The following CARD14 variants were observed in gnomAD, a reference collection of about 807,000 sequenced individuals.
CARD14 encodes caspase recruitment domain family member 14, also known as caspase recruitment domain-containing protein 14.
Under a neutral mutation model 111.5 loss-of-function variants are expected in CARD14, and 107 were observed. The ratio of observed to expected loss-of-function variants is 0.96; its 90% CI spans 0.82 to 1.13. CARD14 has a LOEUF of 1.13. CARD14 is among the 50% of genes most tolerant of loss of function. The pLI is 0.00. For missense variants in CARD14, 1,322 were observed against 1,362.3 expected, an observed-to-expected ratio of 0.97 and a Z score of 0.47; for synonymous variants, 617 against 579.6, an observed-to-expected ratio of 1.06 and a Z score of -0.93.
intron 18 of CARD14, 113 bp downstream of exon 18, chr17:80,202,533 A>T: frequency 6.7e-7 from 1 of 1,495,164 alleles, no homozygotes; most frequent in Admixed American, 2.0e-5. Flanking sequence ...GCGTGGTGAG[A>T]CCCCCCTAAG....
intron 4 of CARD14, among the ~76,000 whole-genome samples, chr17:80,181,211 C>T (rs967104417): frequency 1.4e-4 from 22 of 152,280 alleles, no homozygotes; most frequent in African/African-American, 4.8e-4. Flanking sequence ...GGCCGTGGCA[C>T]TCAACCTTAC....
chr17:80,191,392 A>C lies in CARD14; in HGVS notation c.1159A>C (p.Arg387=). The C allele has an allele frequency of 6.2e-7, 1 of 1,613,864 alleles. No individual in the cohort carries two copies. The highest frequency in any genetic ancestry group is 1.1e-5 in the South Asian group (1 of 91,078). ...QSLVEKDSLR[R]QVFELTDQVC... is the part of the protein sequence containing the mutation. ...CCTGGTGGAGAAGGACTCCCTCCGCAGGCAGGTGTTCGAGCTGACGGACCA... is the reference window on the plus strand; with the variant it reads ...CCTGGTGGAGAAGGACTCCCTCCGCCGGCAGGTGTTCGAGCTGACGGACCA... The change falls in exon 11 of 24, where the codon AGG becomes CGG. Residue 387 remains arginine, a synonymous_variant. Coordinates refer to ENST00000648509, the MANE Select transcript of CARD14 (RefSeq NM_001366385.1).
intron 5 of CARD14, 92 bp downstream of exon 5, chr17:80,181,741 GTCC>G: frequency 8.5e-7 from 1 of 1,176,292 alleles, no homozygotes. Flanking sequence ...GTCTCTTCTC[GTCC>G]TGTCTCTTAT....
At chr17:80,183,632 A>T (rs546508898) in intron 6 of CARD14, among the ~76,000 whole-genome samples, 1 of 152,260 alleles carries the variant, frequency 6.6e-6, no homozygotes, top group Non-Finnish European at 1.5e-5. Flanking sequence ...GGAGACCAGC[A>T]GGTTAAAGCT....
chr17:80,187,938 C>T, intron 7 of CARD14: 1 of 986,184 alleles, frequency 1.0e-6, no homozygotes, highest in East Asian at 1.1e-4. Flanking sequence ...GTCTACCCCT[C>T]CGACCTGACT....
At chr17:80,204,725 A>T in intron 20 of CARD14, 1 of 414,788 alleles carries the variant, frequency 2.4e-6, no homozygotes, top group Non-Finnish European at 4.3e-6. Flanking sequence ...ACTCTCCCAG[A>T]TCCTTTGGAA....
chr17:80,208,276 C>A lies in CARD14; in HGVS notation c.2946C>A (p.Leu982=), dbSNP rs1195163306. Reference sequence around the variant, plus strand: ...GCTGGAGCGACCTGGACGGCCTGCTCAGCTGTGTCCGCCAGGCCATCGCCG... The same window carrying A: ...GCTGGAGCGACCTGGACGGCCTGCTAAGCTGTGTCCGCCAGGCCATCGCCG... ...PDGWSDLDGL[L]SCVRQAIADE... Residue 982 remains leucine, a synonymous_variant, in exon 24 of 24, where the codon CTC becomes CTA. Transcript: ENST00000648509. The A allele has an allele frequency of 1.9e-6, 3 of 1,598,104 alleles. No homozygotes were observed. Among genetic ancestry groups the A allele is most frequent in the Non-Finnish European group, 2.6e-6 (3 of 1,174,126 alleles).
In CARD14 at chr17:80,206,531, C is replaced by T. The variant is rs562557924; in HGVS notation, c.2692-439C>T. Reference sequence around the variant, plus strand: ...CTCTAATCCCAGCACTTTGGGAGGCCGAGGCGGGCAGATCACCTGAGGTCA... The same window carrying T: ...CTCTAATCCCAGCACTTTGGGAGGCTGAGGCGGGCAGATCACCTGAGGTCA... On this transcript the variant is annotated intron_variant, in intron 22 of 23. Transcript: ENST00000648509. 5.3e-5 allele frequency among the ~76,000 whole-genome samples: 8 copies of T among 152,286 alleles called. No individual in the cohort carries two copies. The South Asian group carries it at 1.2e-3, about 24-fold the overall frequency.
Position 80,198,568 on chromosome 17 carries a change from C to A in CARD14, c.1828C>A (p.Arg610Ser). Residue 610 changes from arginine (R) to serine (S), a missense_variant, in exon 16 of 24, where the codon CGC becomes AGC. Arg to Ser is a moderately radical substitution (Grantham distance 110, BLOSUM62 -1). Coordinates refer to ENST00000648509, the MANE Select transcript of CARD14 (RefSeq NM_001366385.1). The surrounding 1 kb of genome is among the most constrained non-coding windows in gnomAD (Gnocchi z 7.5). ...CTCGGCGGCGGACCAGATGGCCTTG[C>A]GCCCGGGCACCCAGATTGTGATGGT... is the stretch of plus-strand genomic sequence containing the variant. Reference protein sequence around the residue: ...PGSAADQMALRPGTQIVMVDY... With the variant: ...PGSAADQMALSPGTQIVMVDY... 6.2e-7 allele frequency: 1 copy of A among 1,612,524 alleles called. No individual in the cohort carries two copies. The highest frequency in any genetic ancestry group is 8.5e-7 in the Non-Finnish European group (1 of 1,179,674).
At position 80,189,774 on chromosome 17, in the gene CARD14, C is replaced by T. The variant is rs1333798617; in HGVS notation, c.865C>T (p.Gln289Ter). The change falls in exon 9 of 24, where the codon CAG (glutamine) becomes TAG (stop). Residue 289 changes from glutamine (Q) to a stop codon, truncating the protein, a stop_gained. Coordinates refer to ENST00000648509, the MANE Select transcript of CARD14 (RefSeq NM_001366385.1). LOFTEE classifies it high-confidence loss of function. The surrounding 1 kb of genome is among the most constrained non-coding windows in gnomAD (Gnocchi z 4.7). ...CCAGGCGGAGAAGGACATTCTGGAG[C>T]AGAGCCTGGACGAGGCGCGGGGGAG... ...FSLAEKDILE[Q>*]SLDEARGSRQ... The T allele has an allele frequency of 2.5e-6, 4 of 1,583,204 alleles. No individual in the cohort carries two copies.
intron 4 of CARD14, 146 bp from the exon 5 acceptor site, chr17:80,181,273 G>A (rs535417203): frequency 1.4e-4 from 94 of 655,546 alleles, no homozygotes; most frequent in African/African-American, 1.0e-3. Context: ...TTCCTCTGCC[G>A]TAAACATCTC....
intron 2 of CARD14, among the ~76,000 whole-genome samples, chr17:80,177,173 A>G (rs1208507263): frequency 6.6e-6 from 1 of 151,944 alleles, no homozygotes; most frequent in Non-Finnish European, 1.5e-5. Flanking sequence ...GCCTCTGCCA[A>G]CATGGGGTGA....
chr17:80,205,734 A>G, intron 22 of CARD14, 82 bp downstream of exon 22: 10 of 1,391,734 alleles, frequency 7.2e-6, no homozygotes, highest in Non-Finnish European at 9.5e-6. Flanking sequence ...AGATAAAGGT[A>G]CAGGGACCGA....
intron 2 of CARD14, among the ~76,000 whole-genome samples, chr17:80,176,257 C>G (rs2040024058): frequency 1.3e-5 from 2 of 150,416 alleles, no homozygotes; most frequent in African/African-American, 2.4e-5. Flanking sequence ...TAGTGAGACC[C>G]CCTTCTTTAC....
rs1598665652 is a variant in CARD14 at position 80,195,207 on chromosome 17, A to C, written c.1373A>C (p.Asp458Ala). The C allele has an allele frequency of 6.2e-7, 1 of 1,609,074 alleles. No homozygotes were observed. Among genetic ancestry groups the C allele is most frequent in the Non-Finnish European group, 8.5e-7 (1 of 1,177,924 alleles). The change falls in exon 13 of 24, where the codon GAC becomes GCC. Residue 458 changes from aspartate to alanine, a missense_variant. Asp to Ala is a moderately radical substitution (Grantham distance 126, BLOSUM62 -2). Transcript: ENST00000648509. This position sits in a 1 kb window ranked among gnomAD's most constrained non-coding sequence, Gnocchi z 4.7. ...CTCCTCCAGTCTCAGCTCTTGTCGG[A>C]CCTGAGTGCCACGTCCAGCCGCGAG... Reference protein sequence around the residue: ...VSSTESQLLSDLSATSSRELV... With the variant: ...VSSTESQLLSALSATSSRELV...
chr17:80,202,681 T>A (rs888473663), intron 18 of CARD14: 1 of 1,190,412 alleles, frequency 8.4e-7, no homozygotes, highest in Admixed American at 3.2e-5. Context: ...TTTGGTACCA[T>A]GGACGTTTGG....
chr17:80,197,852 A>C (rs1425832267), intron 14 of CARD14, among the ~76,000 whole-genome samples: 1 of 152,222 alleles, frequency 6.6e-6, no homozygotes, highest in Non-Finnish European at 1.5e-5. Flanking sequence ...GAAAGATGAA[A>C]TCAAGGTCCC....
intron 2 of CARD14, among the ~76,000 whole-genome samples, chr17:80,176,203 G>A (rs1215952136): frequency 6.7e-6 from 1 of 150,306 alleles, no homozygotes; most frequent in Non-Finnish European, 1.5e-5. Flanking sequence ...GCTGAGGGGG[G>A]AGGATCACTT....
intron 6 of CARD14, among the ~76,000 whole-genome samples, chr17:80,183,459 G>A (rs1380093053): frequency 6.6e-6 from 1 of 152,208 alleles, no homozygotes; most frequent in Admixed American, 6.5e-5. Flanking sequence ...ACGTTAAAAT[G>A]AGTTAGCACT....
Sources: gnomAD v4.1 joint callset for allele counts (sites outside exome capture counted in the v4.1 genomes callset) on GRCh38, gnomAD v4.1.1 for gene constraint, Gnocchi (gnomAD v3.1) non-coding constraint, MANE v1.5 for transcripts, NCBI Gene and HGNC (gene_info 2026-07-23, HGNC 2026-07-21) for gene names.